ZNF341: variants seen among roughly 807,000 people sequenced by gnomAD.
ZNF341 encodes zinc finger protein 341.
A neutral mutation model predicts 87.7 loss-of-function variants in ZNF341; 52 were observed. The ratio of observed to expected loss-of-function variants is 0.59; its 90% CI spans 0.47 to 0.75. The LOEUF (loss-of-function observed/expected upper bound fraction) is 0.75. Among genes scored for constraint, ZNF341 ranks in the 30% least tolerant of loss-of-function variants. The probability of loss-of-function intolerance (pLI) is 0.00; values close to 1 mark genes in which losing one functional copy is unlikely to be tolerated. For synonymous variants in ZNF341, 459 were observed against 472.7 expected (o/e 0.97, Z 0.38); for missense variants, 977 against 1,145.9 (o/e 0.85, Z 2.13).
rs1371396503 is a variant in ZNF341 at position 33,758,720 on chromosome 20, A to G, written c.942A>G (p.Ala314=). ...AKGARGLPEA[A]GKPKAQKLKC... is the part of the protein sequence containing the mutation. Reference sequence around the variant, plus strand: ...CTCCTTCCACTTGTCTTTCAGCTGCAGGGAAGCCAAAGGCTCAGAAACTCA... The same window carrying G: ...CTCCTTCCACTTGTCTTTCAGCTGCGGGGAAGCCAAAGGCTCAGAAACTCA... Residue 314 remains alanine, a synonymous_variant, in exon 7 of 15, where the codon GCA becomes GCG. Transcript: ENST00000375200. 4.3e-6 allele frequency: 7 copies of G among 1,613,222 alleles called. No homozygotes were observed. The highest frequency in any genetic ancestry group is 5.9e-6 in the Non-Finnish European group (7 of 1,179,712).
chr20:33,733,151 A>G (rs1452382992), intron 1 of ZNF341, among the ~76,000 whole-genome samples: 1 of 146,020 alleles, frequency 6.8e-6, no homozygotes, highest in Non-Finnish European at 1.5e-5. Flanking sequence ...GGTTTGAGCG[A>G]TTCTCGTGCC....
intron 14 of ZNF341, among the ~76,000 whole-genome samples, chr20:33,790,752 A>T (rs1203097656): frequency 6.6e-6 from 1 of 152,138 alleles, no homozygotes; most frequent in African/African-American, 2.4e-5. Flanking sequence ...TTCCAGGCAG[A>T]GGAGAATGGC....
rs929266194 is a variant in ZNF341, at chr20:33,782,006, C to T, written c.1719+619C>T. Among the ~76,000 whole-genome samples, 7 of 152,038 alleles carry T rather than the reference C, an allele frequency of 4.6e-5. No homozygotes were observed. The East Asian group carries it at 1.4e-3, about 29-fold the overall frequency. The stretch of plus-strand genomic sequence containing the variant: ...AAATTTTTTGTAGAGATAGGGCTCA[C>T]TATGTTACCCAGGCTGGTCTCAAAC... On this transcript the variant is annotated intron_variant, in intron 11 of 14. Transcript: ENST00000375200.
intron 8 of ZNF341, among the ~76,000 whole-genome samples, chr20:33,764,027 T>G (rs1348107083): frequency 6.7e-6 from 1 of 149,470 alleles, no homozygotes; most frequent in African/African-American, 2.5e-5. Context: ...TCTCTTTTTT[T>G]TTTTTTTTTT....
chr20:33,758,258 G>A (rs534081588), intron 6 of ZNF341, among the ~76,000 whole-genome samples: 2 of 152,164 alleles, frequency 1.3e-5, no homozygotes, highest in Admixed American at 1.3e-4. Flanking sequence ...TATTCATGTG[G>A]GAGGAGAAGG....
intron 8 of ZNF341, among the ~76,000 whole-genome samples, chr20:33,763,545 C>T (rs1173596807): frequency 1.3e-5 from 2 of 152,182 alleles, no homozygotes; most frequent in Non-Finnish European, 2.9e-5. Flanking sequence ...GTAATCCACC[C>T]ACCTTGGCCT....
intron 10 of ZNF341, among the ~76,000 whole-genome samples, chr20:33,779,829 A>G (rs2207353): frequency 0.65 from 99,276 of 151,914 alleles, 33,239 homozygotes; most frequent in East Asian, 0.94. Context: ...GAGGCCCAGC[A>G]GGTCAGAAAT....
At position 33,757,575 on chromosome 20, in the gene ZNF341, T is replaced by A. The variant is rs996918352; in HGVS notation, c.937+232T>A. On this transcript the variant is annotated intron_variant, in intron 6 of 14. Coordinates refer to ENST00000375200, the MANE Select transcript of ZNF341 (RefSeq NM_001282933.2). ...TGCATGGGCACCAGGCACCCTCGTT[T>A]CTTCTGTCTTTCTGTTTCCACCACC... is the stretch of plus-strand genomic sequence containing the variant. Among the ~76,000 whole-genome samples, 6 of 152,246 alleles carry A rather than the reference T, an allele frequency of 3.9e-5. No homozygotes were observed. The South Asian group carries it at 1.2e-3, about 31-fold the overall frequency.
chr20:33,742,635 A>G (rs79212013), intron 2 of ZNF341, among the ~76,000 whole-genome samples: 9 of 143,852 alleles, frequency 6.3e-5, no homozygotes, highest in Admixed American at 4.9e-4. Context: ...CTCTTTAATT[A>G]AAAAAAAAAA....
rs1037121707 is a variant in ZNF341 at position 33,732,312 on chromosome 20, G to A, written c.31+260G>A. On this transcript the variant is annotated intron_variant, in intron 1 of 14. Transcript: ENST00000375200. This position sits in a 1 kb window ranked among gnomAD's most constrained non-coding sequence, Gnocchi z 4.5. ...GGTCCGGAACAGCGCCAGCCTGGGC[G>A]GCCTTGGGCGGGCGCGGGAGGGGCT... 6.6e-6 allele frequency among the ~76,000 whole-genome samples: 1 copy of A among 151,200 alleles called. No individual in the cohort carries two copies. The highest frequency in any genetic ancestry group is 1.5e-5 in the Non-Finnish European group (1 of 67,712).
At chr20:33,784,052 GTCTCCCTCCTCCTCCCCA>G (rs1353835052) in intron 12 of ZNF341, among the ~76,000 whole-genome samples, 188 bp downstream of exon 12, 4 of 54,720 alleles carry the variant, frequency 7.3e-5, no homozygotes, top group Admixed American at 2.4e-4. Flanking sequence ...CTCAGCCCCC[GTCTCCCTCCTCCTCCCCA>G]TCTCCCTCCT....
chr20:33,735,914 A>C (rs556765528), intron 1 of ZNF341, among the ~76,000 whole-genome samples: 1 of 152,008 alleles, frequency 6.6e-6, no homozygotes, highest in South Asian at 2.1e-4. Flanking sequence ...ATACTATATA[A>C]ATGAAATCAT....
intron 12 of ZNF341, among the ~76,000 whole-genome samples, 188 bp downstream of exon 12, chr20:33,784,052 G>C (rs1278901786): frequency 5.5e-5 from 3 of 54,724 alleles, no homozygotes; most frequent in African/African-American, 7.9e-5. Flanking sequence ...CTCAGCCCCC[G>C]TCTCCCTCCT....
rs1261189352 is a variant in ZNF341, at chr20:33,732,236, C to T, written c.31+184C>T. 6.7e-6 allele frequency among the ~76,000 whole-genome samples: 1 copy of T among 149,464 alleles called. No homozygotes were observed. Among genetic ancestry groups the T allele is most frequent in the Non-Finnish European group, 1.5e-5 (1 of 67,056 alleles). On this transcript the variant is annotated intron_variant, in intron 1 of 14. Transcript: ENST00000375200. This position sits in a 1 kb window ranked among gnomAD's most constrained non-coding sequence, Gnocchi z 4.5. The stretch of plus-strand genomic sequence containing the variant: ...CGGGAGCCGAGGCCCGGCGGGGGAG[C>T]TCCGGGGCCGGAACAGCCGGGGAGA...
chr20:33,791,524 T>C lies in ZNF341; in HGVS notation c.*7T>C, dbSNP rs1174098856. On this transcript the variant is annotated 3_prime_UTR_variant, in exon 15 of 15. Coordinates refer to ENST00000375200, the MANE Select transcript of ZNF341 (RefSeq NM_001282933.2). ...CATCCAGGCCTCCGAGTGACGGACC[T>C]GAGGTGTCTGTTTCCTGGGCAGGCC... 1.0e-5 allele frequency: 16 copies of C among 1,537,688 alleles called. No individual in the cohort carries two copies. The highest frequency in any genetic ancestry group is 1.2e-5 in the Non-Finnish European group (14 of 1,145,416).
rs746605991 is a variant in ZNF341, at chr20:33,791,155, C to G, written c.2203C>G (p.Pro735Ala). The G allele has an allele frequency of 6.2e-6, 10 of 1,613,262 alleles. No homozygotes were observed. In the South Asian group the frequency reaches 1.1e-4, roughly 18 times the overall value. The change falls in exon 15 of 15, where the codon CCC becomes GCC. Residue 735 changes from proline to alanine, a missense_variant. Around this residue, in one of 3 missense-constraint regions of ZNF341, gnomAD observed 221 missense variants for 212.7 expected, o/e 1.04. Coordinates refer to ENST00000375200, the MANE Select transcript of ZNF341 (RefSeq NM_001282933.2). ...CAAAGATCACCGCTGTCGTCTCGGC[C>G]CCCAAAAGGACAAGGACCTGCAAAC... ...YLKDHRCRLG[P>A]QKDKDLQTRR...
At position 33,767,992 on chromosome 20, in the gene ZNF341, A is replaced by G. The variant is rs145862998; in HGVS notation, c.1413+951A>G. On this transcript the variant is annotated intron_variant, in intron 9 of 14. Coordinates refer to ENST00000375200, the MANE Select transcript of ZNF341 (RefSeq NM_001282933.2). ...TCCAGTCAAGATAAACAGAAAGCAG[A>G]GGGAATTTCTCCTGGGAAGCTTTTG... Among the ~76,000 whole-genome samples, 171 of 152,318 alleles carry G rather than the reference A, an allele frequency of 1.1e-3. 1 individual carries two copies. The highest frequency in any genetic ancestry group is 3.7e-3 in the African/African-American group (154 of 41,576).
intron 5 of ZNF341, among the ~76,000 whole-genome samples, chr20:33,756,452 C>T (rs527894308): frequency 2.8e-4 from 42 of 151,754 alleles, no homozygotes; most frequent in Non-Finnish European, 5.6e-4. Context: ...CTGCAACCTC[C>T]GCCTCCCAGG....
intron 2 of ZNF341, among the ~76,000 whole-genome samples, chr20:33,742,263 C>G (rs558502697): frequency 4.6e-5 from 7 of 152,284 alleles, no homozygotes; most frequent in African/African-American, 1.7e-4. Context: ...GTGGCGCGAT[C>G]TCGGCTCACT....
Sources: gnomAD v4.1 joint callset for allele counts (sites outside exome capture counted in the v4.1 genomes callset) on GRCh38, gnomAD v4.1.1 for gene constraint, gnomAD v4.1.1 regional missense constraint, Gnocchi (gnomAD v3.1) non-coding constraint, MANE v1.5 for transcripts, NCBI Gene and HGNC (gene_info 2026-07-23, HGNC 2026-07-21) for gene names.